Variants in QTGAL observed in about 807,000 individuals in gnomAD.
The protein encoded by QTGAL is BGnT-like protein 1.
the QTGAL span, among the ~76,000 whole-genome samples, chr17:82,975,529 G>A: frequency 1.2e-4 from 1 of 8,538 alleles, no homozygotes; most frequent in Non-Finnish European, 2.0e-4. Flanking sequence ...ACTATGGAGA[G>A]TCAGGGCCCC....
chr17:82,944,475 T>G, the QTGAL span: 5 of 151,874 alleles, frequency 3.3e-5, no homozygotes, highest in Non-Finnish European at 7.4e-5. Context: ...CAACACTGAG[T>G]GCTATGAACA....
the QTGAL span, among the ~76,000 whole-genome samples, chr17:82,970,568 G>C: frequency 0.084 from 3,281 of 39,138 alleles, 261 homozygotes; most frequent in African/African-American, 0.15. Flanking sequence ...CGCGACCTCC[G>C]CACCCGGCGT....
the QTGAL span, among the ~76,000 whole-genome samples, chr17:82,980,036 C>T: frequency 6.6e-6 from 1 of 152,150 alleles, no homozygotes; most frequent in Non-Finnish European, 1.5e-5. Flanking sequence ...AACGAACAAA[C>T]AAAACCCTTG....
chr17:83,020,844 G>A, the QTGAL span, among the ~76,000 whole-genome samples: 1 of 152,270 alleles, frequency 6.6e-6, no homozygotes, highest in East Asian at 1.9e-4. Flanking sequence ...TTTTCTGCTG[G>A]GACCCACGAG....
chr17:82,951,818 C>CGGGGGGGGGGGGGGGGGGGGGGGGAGT, the QTGAL span, among the ~76,000 whole-genome samples: 1 of 139,660 alleles, frequency 7.2e-6, no homozygotes, highest in Admixed American at 7.5e-5. Flanking sequence ...TGGGGGGGAG[C>CGGGGGGGGGGGGGGGGGGGGGGGGAGT]GGGGAGGCGA....
At chr17:82,951,139 TGTC>T in the QTGAL span, among the ~76,000 whole-genome samples, 1 of 152,234 alleles carries the variant, frequency 6.6e-6, no homozygotes, top group Non-Finnish European at 1.5e-5. Context: ...AGAGTCAGAC[TGTC>T]TTTTGAAGCT....
At chr17:83,020,250 G>C in the QTGAL span, among the ~76,000 whole-genome samples, 1 of 152,154 alleles carries the variant, frequency 6.6e-6, no homozygotes, top group Non-Finnish European at 1.5e-5. Context: ...CCCAGAAAGA[G>C]AGAGAGAAAA....
the QTGAL span, among the ~76,000 whole-genome samples, chr17:83,016,221 A>G: frequency 6.6e-6 from 1 of 152,246 alleles, no homozygotes; most frequent in Non-Finnish European, 1.5e-5. Context: ...ACATGAGTAA[A>G]AGGTACAAAT....
At chr17:83,049,535 C>A in the QTGAL span, among the ~76,000 whole-genome samples, 225 of 151,534 alleles carry the variant, frequency 1.5e-3, 5 homozygotes, top group Admixed American at 0.012. Flanking sequence ...GCCTCAGCCT[C>A]CCGAGTAGCT....
At chr17:82,948,727 G>A in the QTGAL span, 6 of 152,248 alleles carry the variant, frequency 3.9e-5, no homozygotes, top group Admixed American at 1.3e-4. Flanking sequence ...ACGGCATTTC[G>A]TTCCTGGAAA....
chr17:82,972,911 C>CTGGTA, the QTGAL span, among the ~76,000 whole-genome samples: 1 of 151,798 alleles, frequency 6.6e-6, no homozygotes, highest in African/African-American at 2.4e-5. Flanking sequence ...CCAGAAGGAC[C>CTGGTA]CGGTACTGAC....
At chr17:83,042,588 C>T in the QTGAL span, among the ~76,000 whole-genome samples, 379 of 151,988 alleles carry the variant, frequency 2.5e-3, 2 homozygotes, top group Non-Finnish European at 4.1e-3. Flanking sequence ...AATGGCACAT[C>T]GGAAATAAGC....
the QTGAL span, among the ~76,000 whole-genome samples, chr17:83,012,553 G>A: frequency 2.6e-5 from 4 of 152,202 alleles, no homozygotes; most frequent in African/African-American, 9.7e-5. Flanking sequence ...ACGGTTTCCA[G>A]CTCACGGGCC....
chr17:82,971,436 T>G, the QTGAL span, among the ~76,000 whole-genome samples: 1 of 151,904 alleles, frequency 6.6e-6, no homozygotes, highest in South Asian at 2.1e-4. Flanking sequence ...AGCGCTGGGG[T>G]GGGGGCAGCT....
chr17:82,972,394 C>T, the QTGAL span, among the ~76,000 whole-genome samples: 7 of 125,408 alleles, frequency 5.6e-5, no homozygotes, highest in Non-Finnish European at 9.6e-5. Flanking sequence ...CACCACACCA[C>T]AGGGGCTAGA....
the QTGAL span, chr17:83,005,320 G>C: frequency 1.1e-6 from 1 of 949,326 alleles, no homozygotes; most frequent in East Asian, 2.5e-5. This position sits in a 1 kb window ranked among gnomAD's most constrained non-coding sequence, Gnocchi z 5.6. Flanking sequence ...GTCCAGACAG[G>C]AAACTGAAAT....
the QTGAL span, among the ~76,000 whole-genome samples, chr17:82,962,401 A>T: frequency 6.6e-6 from 1 of 152,198 alleles, no homozygotes; most frequent in African/African-American, 2.4e-5. Context: ...TATCCACCAT[A>T]AGATAAAGAC....
the QTGAL span, among the ~76,000 whole-genome samples, chr17:83,025,629 C>CCACA: frequency 2.4e-5 from 2 of 83,906 alleles, no homozygotes; most frequent in Admixed American, 2.3e-4. Context: ...CGCGGAGAGT[C>CCACA]CACACACGGA....
the QTGAL span, among the ~76,000 whole-genome samples, chr17:82,966,237 T>A: frequency 6.6e-6 from 1 of 151,486 alleles, no homozygotes; most frequent in African/African-American, 2.4e-5. Flanking sequence ...ATTTCTTTTG[T>A]AGAGATGGGG....
Sources: gnomAD v4.1 joint callset for allele counts (sites outside exome capture counted in the v4.1 genomes callset) on GRCh38, gnomAD v4.1.1 for gene constraint, Gnocchi (gnomAD v3.1) non-coding constraint, MANE v1.5 for transcripts, NCBI Gene and HGNC (gene_info 2026-07-23, HGNC 2026-07-21) for gene names.